Variants in LRRC63 observed in about 807,000 individuals in gnomAD.
LRRC63 encodes leucine-rich repeat-containing protein 63.
A neutral mutation model predicts 49.5 loss-of-function variants in LRRC63; 40 were observed. The observed-to-expected ratio is 0.81, with a 90% CI of 0.63 to 1.05. The LOEUF (loss-of-function observed/expected upper bound fraction) is 1.05. Ranked by LOEUF, LRRC63 falls within the 50% of genes least tolerant of loss-of-function variation. The probability of loss-of-function intolerance (pLI) is 0.00; values close to 1 mark genes in which losing one functional copy is unlikely to be tolerated. For missense variants in LRRC63, 636 were observed against 663.1 expected, an observed-to-expected ratio of 0.96 and a Z score of 0.45; for synonymous variants, 191 against 221.1, an observed-to-expected ratio of 0.86 and a Z score of 1.21.
At chr13:46,215,909 C>T (rs1456063103) in intron 2 of LRRC63, among the ~76,000 whole-genome samples, 5 of 152,018 alleles carry the variant, frequency 3.3e-5, no homozygotes, top group South Asian at 2.1e-4. Context: ...TCAGGTTTGT[C>T]GAAGATCAGA....
At chr13:46,252,616 A>T (rs2047412402) in intron 7 of LRRC63, among the ~76,000 whole-genome samples, 1 of 152,072 alleles carries the variant, frequency 6.6e-6, no homozygotes, top group East Asian at 1.9e-4. Flanking sequence ...CATGTAACCC[A>T]TTCTGAAGGG....
At chr13:46,263,684 A>G (rs1314884326) in intron 8 of LRRC63, among the ~76,000 whole-genome samples, 2 of 152,102 alleles carry the variant, frequency 1.3e-5, no homozygotes, top group African/African-American at 4.8e-5. Flanking sequence ...ATCCAACTCT[A>G]GGCTTTGCTG....
chr13:46,267,199 G>C (rs1354789315), intron 9 of LRRC63, among the ~76,000 whole-genome samples: 1 of 152,164 alleles, frequency 6.6e-6, no homozygotes, highest in African/African-American at 2.4e-5. Context: ...CTTAAATCCA[G>C]TGTGAAATAT....
At chr13:46,236,076 A>G (rs1234813866) in intron 5 of LRRC63, among the ~76,000 whole-genome samples, 1 of 152,114 alleles carries the variant, frequency 6.6e-6, no homozygotes, top group Non-Finnish European at 1.5e-5. Context: ...AGAATAAAGA[A>G]TTATAGAACT....
intron 2 of LRRC63, among the ~76,000 whole-genome samples, chr13:46,226,036 T>G (rs2046564500): frequency 6.6e-6 from 1 of 152,010 alleles, no homozygotes; most frequent in South Asian, 2.1e-4. Context: ...CAAGTTGAAG[T>G]GCAGTGGTAC....
chr13:46,272,079 A>T (rs1594102575), intron 9 of LRRC63, among the ~76,000 whole-genome samples: 1 of 152,258 alleles, frequency 6.6e-6, no homozygotes, highest in East Asian at 1.9e-4. Flanking sequence ...ATACCACAAC[A>T]GTTGATTTGA....
Position 46,250,501 on chromosome 13 carries a change from A to G in LRRC63, c.1226+10A>G. The G allele has an allele frequency of 6.7e-7, 1 of 1,486,856 alleles. No homozygotes were observed. Among genetic ancestry groups the G allele is most frequent in the Non-Finnish European group, 9.0e-7 (1 of 1,110,548 alleles). The allele number at this position is 1,486,856 out of a possible 1,614,324, so 92.1% of individuals were successfully genotyped here. A position where few individuals can be genotyped will look rare whatever the true frequency, so the allele number is the denominator to read the frequency against. ...CTGTTCTTCCAATTGGGTAAGGTTG[A>G]TGGTCTGAGATTATAAACACAGAAA... On this transcript the variant is annotated intron_variant, in intron 7 of 9. Transcript: ENST00000595396.
At chr13:46,222,152 C>G (rs2046424477) in intron 2 of LRRC63, among the ~76,000 whole-genome samples, 1 of 151,400 alleles carries the variant, frequency 6.6e-6, no homozygotes, top group African/African-American at 2.4e-5. Context: ...ATTTGTATGT[C>G]TTCTTTTCAG....
At chr13:46,248,199 G>A (rs903673042) in intron 6 of LRRC63, among the ~76,000 whole-genome samples, 1 of 151,970 alleles carries the variant, frequency 6.6e-6, no homozygotes, top group Non-Finnish European at 1.5e-5. Flanking sequence ...AAAAAAGGCA[G>A]TAGAGGAAGA....
At chr13:46,219,685 G>A (rs1329628885) in intron 2 of LRRC63, among the ~76,000 whole-genome samples, 1 of 152,078 alleles carries the variant, frequency 6.6e-6, no homozygotes, top group African/African-American at 2.4e-5. Context: ...GAGGCATTCT[G>A]GTTTTTGGAA....
At chr13:46,232,256 T>A (rs1353273308) in intron 4 of LRRC63, among the ~76,000 whole-genome samples, 3 of 152,172 alleles carry the variant, frequency 2.0e-5, no homozygotes, top group Non-Finnish European at 4.4e-5. Flanking sequence ...CAACATGAGA[T>A]TTAAAGAGGA....
chr13:46,212,700 C>T (rs2046127915), intron 1 of LRRC63, among the ~76,000 whole-genome samples: 1 of 152,142 alleles, frequency 6.6e-6, no homozygotes, highest in South Asian at 2.1e-4. Context: ...GTTGAAATAG[C>T]ATTGGCAAAT....
chr13:46,269,960 C>T (rs951914377), intron 9 of LRRC63: 2 of 269,380 alleles, frequency 7.4e-6, no homozygotes, highest in African/African-American at 4.4e-5. Context: ...ATTCCAAGAC[C>T]TCCAGTGGAT....
chr13:46,272,740 C>CATTATG (rs536527892), intron 9 of LRRC63, among the ~76,000 whole-genome samples: 2 of 152,178 alleles, frequency 1.3e-5, no homozygotes, highest in Non-Finnish European at 2.9e-5. Context: ...TACTATAAAA[C>CATTATG]ATTATGATGC....
chr13:46,224,677 T>C (rs1315646452), intron 2 of LRRC63, among the ~76,000 whole-genome samples: 1 of 152,230 alleles, frequency 6.6e-6, no homozygotes, highest in African/African-American at 2.4e-5. Flanking sequence ...TCTGTGTATC[T>C]GGTGTAACAG....
intron 4 of LRRC63, among the ~76,000 whole-genome samples, chr13:46,230,178 A>G (rs1159656820): frequency 6.6e-6 from 1 of 152,178 alleles, no homozygotes. Flanking sequence ...CCCCTCAAAT[A>G]TCATGTTCTT....
At chr13:46,215,913 G>A (rs1165906020) in intron 2 of LRRC63, among the ~76,000 whole-genome samples, 1 of 152,182 alleles carries the variant, frequency 6.6e-6, no homozygotes, top group African/African-American at 2.4e-5. Context: ...GTTTGTCGAA[G>A]ATCAGATGGT....
At chr13:46,227,280 C>G (rs1367684999) in intron 2 of LRRC63, among the ~76,000 whole-genome samples, 1 of 152,184 alleles carries the variant, frequency 6.6e-6, no homozygotes, top group Admixed American at 6.5e-5. Flanking sequence ...AAGAATAGCT[C>G]TCTACCCTTT....
intron 7 of LRRC63, among the ~76,000 whole-genome samples, chr13:46,259,961 G>T (rs1162441980): frequency 2.0e-5 from 3 of 152,170 alleles, no homozygotes; most frequent in African/African-American, 7.2e-5. Context: ...ATCAAGCAAT[G>T]AAATAAATGT....
Sources: allele counts gnomAD v4.1 joint callset (sites outside exome capture counted in the v4.1 genomes callset), GRCh38; gene constraint gnomAD v4.1.1; transcripts MANE v1.5; gene names NCBI Gene and HGNC (gene_info 2026-07-23, HGNC 2026-07-21).